PODXL2: variants seen among roughly 807,000 people sequenced by gnomAD.
The protein encoded by PODXL2 is podocalyxin-like protein 2.
PODXL2 carries 17 observed loss-of-function variants against 53.4 expected under a neutral mutation model. That is an observed-to-expected ratio of 0.32 (90% confidence interval 0.22 to 0.48). PODXL2 has a LOEUF of 0.48. PODXL2 is among the 20% of genes least tolerant of loss of function. PODXL2 has a pLI of 0.99. For synonymous variants in PODXL2, 311 were observed against 306.7 expected (o/e 1.01, Z -0.15); for missense variants, 673 against 760.0 (o/e 0.89, Z 1.35).
intron 2 of PODXL2, 39 bp downstream of exon 2, chr3:127,639,562 G>A (rs780381518): frequency 1.9e-6 from 3 of 1,558,030 alleles, no homozygotes; most frequent in African/African-American, 1.4e-5. Flanking sequence ...TTGAGTGCCA[G>A]CCAAGTGTCT....
chr3:127,632,037 CAG>C (rs2074550154), intron 1 of PODXL2, among the ~76,000 whole-genome samples: 1 of 152,084 alleles, frequency 6.6e-6, no homozygotes, highest in Non-Finnish European at 1.5e-5. Flanking sequence ...TGGGAGAGCT[CAG>C]AGAGGTGGGG....
chr3:127,641,704 C>G (rs951748867), intron 2 of PODXL2, among the ~76,000 whole-genome samples: 1 of 151,522 alleles, frequency 6.6e-6, no homozygotes, highest in Admixed American at 6.6e-5. Flanking sequence ...TTAGTAGAGA[C>G]AGGGTTTCTC....
At chr3:127,655,406 AAATAAT>A (rs774244534) in intron 2 of PODXL2, among the ~76,000 whole-genome samples, 21 of 152,124 alleles carry the variant, frequency 1.4e-4, no homozygotes, top group Non-Finnish European at 2.6e-4. Context: ...ACTCTGTCTC[AAATAAT>A]AATAATGATA....
chr3:127,666,225 T>C (rs963905659), intron 4 of PODXL2, among the ~76,000 whole-genome samples: 15 of 152,132 alleles, frequency 9.9e-5, no homozygotes, highest in African/African-American at 2.4e-5. Context: ...CAAGGAACTT[T>C]TTTTGTTTTC....
chr3:127,670,343 C>G lies in PODXL2; in HGVS notation c.1426-1091C>G, dbSNP rs75653281. ...CCGGGCCTTTCACCACACTGCTCTACTGCCTGGAGGGCCACTGAGGCCCTT... is the reference window on the plus strand; with the variant it reads ...CCGGGCCTTTCACCACACTGCTCTAGTGCCTGGAGGGCCACTGAGGCCCTT... On this transcript the variant is annotated intron_variant, in intron 6 of 7. Coordinates refer to ENST00000342480, the MANE Select transcript of PODXL2 (RefSeq NM_015720.4). 1.9e-3 allele frequency among the ~76,000 whole-genome samples: 291 copies of G among 152,344 alleles called. 1 individual carries two copies. Among genetic ancestry groups the G allele is most frequent in the African/African-American group, 6.7e-3 (280 of 41,562 alleles).
At position 127,661,040 on chromosome 3, in the gene PODXL2, C is replaced by G; in HGVS notation, c.1012C>G (p.Pro338Ala). 6.2e-7 allele frequency: 1 copy of G among 1,614,208 alleles called. No homozygotes were observed. The highest frequency in any genetic ancestry group is 8.5e-7 in the Non-Finnish European group (1 of 1,180,022). The change falls in exon 3 of 8, where the codon CCT becomes GCT. Residue 338 changes from proline to alanine, a missense_variant. Transcript: ENST00000342480. ...AACCTCAGCCTCTTCCCCACTGGCC[C>G]CTGGAGACATGGAACTGACACCTTC... ...SRTSASSPLAPGDMELTPSSA... is the reference protein window; with the variant it reads ...SRTSASSPLAAGDMELTPSSA...
In PODXL2 at chr3:127,662,227, C is replaced by T. The variant is rs777012806; in HGVS notation, c.1132-10C>T. On this transcript the variant is annotated splice_polypyrimidine_tract_variant and intron_variant, in intron 3 of 7. Transcript: ENST00000342480. ...GTAACTGTCGCCCTTCTTTCTGTCT[C>T]CTCGCACAGGTGATCTGCAAGGACT... 1.2e-6 allele frequency: 2 copies of T among 1,612,736 alleles called. No individual in the cohort carries two copies. Among genetic ancestry groups the T allele is most frequent in the South Asian group, 1.1e-5 (1 of 91,046 alleles).
chr3:127,668,375 G>A, intron 4 of PODXL2, 66 bp from the exon 5 acceptor site: 1 of 1,377,132 alleles, frequency 7.3e-7, no homozygotes, highest in Non-Finnish European at 9.5e-7. Context: ...GCTGGGCCTA[G>A]AGGCAGAGGG....
intron 6 of PODXL2, 133 bp from the exon 7 acceptor site, chr3:127,671,301 A>T (rs1193015117): frequency 1.3e-6 from 1 of 755,898 alleles, no homozygotes; most frequent in Non-Finnish European, 2.2e-6. Context: ...GCGCCAGGGA[A>T]CTTCAGGAGC....
chr3:127,650,127 G>A (rs2074679446), intron 2 of PODXL2, among the ~76,000 whole-genome samples: 1 of 152,122 alleles, frequency 6.6e-6, no homozygotes, highest in African/African-American at 2.4e-5. Flanking sequence ...GATCTTTCAA[G>A]GGCTCTGGCC....
chr3:127,669,721 C>G (rs185224318), intron 6 of PODXL2, among the ~76,000 whole-genome samples: 6 of 152,334 alleles, frequency 3.9e-5, no homozygotes, highest in African/African-American at 1.4e-4. Flanking sequence ...GCCTGGGGGC[C>G]AGGAGGCAGC....
intron 2 of PODXL2, among the ~76,000 whole-genome samples, chr3:127,648,760 C>T (rs538532813): frequency 6.6e-6 from 1 of 151,082 alleles, no homozygotes; most frequent in African/African-American, 2.4e-5. Flanking sequence ...AGGTGTGTGC[C>T]CCTATGCCCA....
intron 4 of PODXL2, among the ~76,000 whole-genome samples, chr3:127,666,720 T>A (rs1208203818): frequency 2.6e-5 from 4 of 152,230 alleles, no homozygotes; most frequent in African/African-American, 4.8e-5. Context: ...CCAGATTTAT[T>A]TGATTCCAAA....
chr3:127,629,393 C>G lies in PODXL2; in HGVS notation c.70+104C>G. The G allele has an allele frequency of 1.1e-6, 1 of 897,524 alleles. No individual in the cohort carries two copies. The highest frequency in any genetic ancestry group is 1.3e-6 in the Non-Finnish European group (1 of 749,248). The allele number at this position is 897,524 out of a possible 1,614,324, so 55.6% of individuals were successfully genotyped here. A position where few individuals can be genotyped will look rare whatever the true frequency, so the allele number is the denominator to read the frequency against. On this transcript the variant is annotated intron_variant, in intron 1 of 7. Transcript: ENST00000342480. The surrounding 1 kb of genome is among the most constrained non-coding windows in gnomAD (Gnocchi z 6.4). ...ACAAAGGGGCCAGAGTGCGGCGCCG[C>G]CGGGAGCGCGCGTGTCCCGGCCGGG...
At chr3:127,650,660 G>T (rs781471830) in intron 2 of PODXL2, among the ~76,000 whole-genome samples, 1 of 151,532 alleles carries the variant, frequency 6.6e-6, no homozygotes, top group Non-Finnish European at 1.5e-5. Context: ...TGTTTTTTTT[G>T]TTGTTGTCGT....
rs559008153 is a variant in PODXL2, at chr3:127,631,760, ATTAC to A, written c.70+2475_70+2478del. Among the ~76,000 whole-genome samples the A allele has an allele frequency of 2.4e-3, 361 of 152,324 alleles. 1 individual carries two copies. The highest frequency in any genetic ancestry group is 8.3e-3 in the African/African-American group (344 of 41,558). ...GTTTGAAAATAAGTAACCTCTTGTA[ATTAC>A]TTAAATAAATACCCATTGCCAAGGC... On this transcript the variant is annotated intron_variant, in intron 1 of 7. Coordinates refer to ENST00000342480, the MANE Select transcript of PODXL2 (RefSeq NM_015720.4).
intron 3 of PODXL2, among the ~76,000 whole-genome samples, chr3:127,661,454 G>A (rs1049378529): frequency 1.3e-5 from 2 of 149,466 alleles, no homozygotes; most frequent in African/African-American, 4.9e-5. Context: ...TTTTTTTCCC[G>A]AGATGGAGTC....
At chr3:127,641,380 T>C (rs896657484) in intron 2 of PODXL2, among the ~76,000 whole-genome samples, 5 of 151,914 alleles carry the variant, frequency 3.3e-5, no homozygotes, top group African/African-American at 1.2e-4. Flanking sequence ...ACTAATTTTT[T>C]CATTTTTTTG....
Position 127,629,330 on chromosome 3 carries a change from G to A in PODXL2, c.70+41G>A. 1 of 1,010,262 alleles carries A rather than the reference G, an allele frequency of 9.9e-7. No individual in the cohort carries two copies. The highest frequency in any genetic ancestry group is 4.9e-4 in the Middle Eastern group (1 of 2,034). 62.6% of individuals were successfully genotyped at this position (1,010,262 alleles called of 1,614,324 possible). ...GCCCGAGCGCGGGAGGGCGGGCGGC[G>A]GCGTGGGCGCGGTGCTGGACAGCTC... On this transcript the variant is annotated intron_variant, in intron 1 of 7. Coordinates refer to ENST00000342480, the MANE Select transcript of PODXL2 (RefSeq NM_015720.4). This position sits in a 1 kb window ranked among gnomAD's most constrained non-coding sequence, Gnocchi z 6.4.
Sources: allele counts gnomAD v4.1 joint callset (sites outside exome capture counted in the v4.1 genomes callset), GRCh38; gene constraint gnomAD v4.1.1; non-coding constraint Gnocchi (gnomAD v3.1); transcripts MANE v1.5; gene names NCBI Gene and HGNC (gene_info 2026-07-23, HGNC 2026-07-21).